Variants in RALYL observed in about 807,000 individuals in gnomAD.
The protein encoded by RALYL is RNA-binding Raly-like protein.
In RALYL, 29 loss-of-function variants were observed where a neutral mutation model predicts 35.1. That is an observed-to-expected ratio of 0.83 (90% CI 0.61 to 1.13). The LOEUF (loss-of-function observed/expected upper bound fraction) is 1.13, where lower values mean the gene tolerates loss of function less well. Ranked by LOEUF, RALYL falls within the 50% of genes most tolerant of loss-of-function variation. The probability of loss-of-function intolerance (pLI) is 0.00; values close to 1 mark genes in which losing one functional copy is unlikely to be tolerated. For missense variants in RALYL, 359 were observed against 360.4 expected (o/e 1.00, Z 0.03); for synonymous variants, 120 against 127.6 (o/e 0.94, Z 0.40).
At chr8:84,509,695 A>ATTTT (rs1160718300) in intron 1 of RALYL, among the ~76,000 whole-genome samples, 8 of 152,076 alleles carry the variant, frequency 5.3e-5, no homozygotes, top group African/African-American at 1.9e-4. Flanking sequence ...AATTTTTATA[A>ATTTT]AGGGTGTAAA....
chr8:84,276,580 G>T (rs1835425489), intron 1 of RALYL, among the ~76,000 whole-genome samples: 1 of 152,164 alleles, frequency 6.6e-6, no homozygotes, highest in African/African-American at 2.4e-5. Flanking sequence ...CTTCTGGAAA[G>T]TTTATTGAGA....
At chr8:84,821,272 G>C (rs2134236724) in intron 4 of RALYL, among the ~76,000 whole-genome samples, 1 of 152,208 alleles carries the variant, frequency 6.6e-6, no homozygotes, top group South Asian at 2.1e-4. Context: ...AGACAAAATA[G>C]ATATCATCAT....
At chr8:84,638,233 G>C (rs190121293) in intron 2 of RALYL, among the ~76,000 whole-genome samples, 13 of 152,036 alleles carry the variant, frequency 8.6e-5, no homozygotes, top group Non-Finnish European at 1.3e-4. Flanking sequence ...ATGAAATCTA[G>C]ATGGAAATTA....
intron 1 of RALYL, among the ~76,000 whole-genome samples, chr8:84,224,047 C>T (rs1823199005): frequency 6.6e-6 from 1 of 152,080 alleles, no homozygotes; most frequent in Non-Finnish European, 1.5e-5. Flanking sequence ...TTCTGATTCT[C>T]ATCTTTTCCA....
intron 4 of RALYL, among the ~76,000 whole-genome samples, chr8:84,819,456 A>G (rs773379040): frequency 1.3e-5 from 2 of 152,198 alleles, no homozygotes; most frequent in Non-Finnish European, 2.9e-5. Flanking sequence ...GGCATATACA[A>G]TATCACCAGT....
At chr8:84,545,529 G>A (rs186236084) in intron 2 of RALYL, among the ~76,000 whole-genome samples, 1 of 152,040 alleles carries the variant, frequency 6.6e-6, no homozygotes, top group Admixed American at 6.6e-5. Context: ...TGTGATATTG[G>A]AACTCTGCAA....
chr8:84,785,993 G>A (rs766978007), intron 3 of RALYL, among the ~76,000 whole-genome samples: 1 of 152,030 alleles, frequency 6.6e-6, no homozygotes, highest in Admixed American at 6.6e-5. Flanking sequence ...CCACCTCACC[G>A]CCCATAGGCC....
intron 2 of RALYL, among the ~76,000 whole-genome samples, chr8:84,732,133 T>C (rs1846291551): frequency 1.3e-5 from 2 of 152,170 alleles, no homozygotes; most frequent in African/African-American, 4.8e-5. Context: ...ATCCCTTTCA[T>C]ACATATATAT....
At chr8:84,221,295 G>A (rs1378190804) in intron 1 of RALYL, among the ~76,000 whole-genome samples, 1 of 152,016 alleles carries the variant, frequency 6.6e-6, no homozygotes, top group African/African-American at 2.4e-5. Flanking sequence ...GGGTGTGTGT[G>A]TGTGTGTGCA....
At chr8:84,366,386 A>G (rs1186668639) in intron 1 of RALYL, among the ~76,000 whole-genome samples, 1 of 152,242 alleles carries the variant, frequency 6.6e-6, no homozygotes, top group Non-Finnish European at 1.5e-5. Context: ...TTAGTTAGAA[A>G]GATAATATAA....
intron 1 of RALYL, among the ~76,000 whole-genome samples, chr8:84,273,330 G>A (rs1182507786): frequency 1.3e-5 from 2 of 152,316 alleles, no homozygotes; most frequent in East Asian, 3.9e-4. Context: ...TCTGGCTTTG[G>A]GCCAGGTACT....
chr8:84,425,093 T>C lies in RALYL; in HGVS notation c.-23-104206T>C, dbSNP rs951862921. On this transcript the variant is annotated intron_variant, in intron 1 of 8. Transcript: ENST00000521268. ...TGGGCTCCACCCAGTTCGAGCTTCC[T>C]AGCTGCTTTGTTTACCTAAGCAAGC... Among the ~76,000 whole-genome samples, 307 of 152,350 alleles carry C rather than the reference T, an allele frequency of 2.0e-3. 2 individuals are homozygous for C. The East Asian group carries it at 0.035, about 18-fold the overall frequency.
chr8:84,821,685 A>T (rs1039356036), intron 4 of RALYL, among the ~76,000 whole-genome samples: 3 of 152,148 alleles, frequency 2.0e-5, no homozygotes, highest in African/African-American at 7.2e-5. Flanking sequence ...ACATTTTCAA[A>T]GTACAGAAAT....
chr8:84,312,113 G>A (rs1020380307), intron 1 of RALYL, among the ~76,000 whole-genome samples: 6 of 152,292 alleles, frequency 3.9e-5, no homozygotes, highest in African/African-American at 9.6e-5. Flanking sequence ...TTCTTCATAA[G>A]GTGGCAGGAG....
chr8:84,435,152 A>G (rs1379066480), intron 1 of RALYL, among the ~76,000 whole-genome samples: 3 of 152,126 alleles, frequency 2.0e-5, no homozygotes, highest in Admixed American at 1.3e-4. Flanking sequence ...AAGCTTTTAT[A>G]TTCTTTGATG....
At chr8:84,770,750 T>C (rs1351107573) in intron 2 of RALYL, among the ~76,000 whole-genome samples, 1 of 152,176 alleles carries the variant, frequency 6.6e-6, no homozygotes, top group African/African-American at 2.4e-5. Context: ...CTCATGGGGG[T>C]AAGGTGGTAT....
intron 1 of RALYL, among the ~76,000 whole-genome samples, chr8:84,451,146 AG>A (rs1427180414): frequency 1.3e-5 from 2 of 152,018 alleles, no homozygotes; most frequent in African/African-American, 4.8e-5. Flanking sequence ...TATGGCTTAA[AG>A]TTTGGCCTTG....
chr8:84,530,536 G>A (rs185717205), intron 2 of RALYL, among the ~76,000 whole-genome samples: 9 of 150,552 alleles, frequency 6.0e-5, no homozygotes, highest in Non-Finnish European at 1.3e-4. Flanking sequence ...CATCAAGTTC[G>A]CTTGTCAATA....
chr8:84,199,146 C>T (rs911226675), intron 1 of RALYL, among the ~76,000 whole-genome samples: 4 of 152,086 alleles, frequency 2.6e-5, no homozygotes, highest in African/African-American at 4.8e-5. Flanking sequence ...TCCATATCCT[C>T]GCCAACATTT....
Sources: allele counts gnomAD v4.1 joint callset (sites outside exome capture counted in the v4.1 genomes callset), GRCh38; gene constraint gnomAD v4.1.1; transcripts MANE v1.5; gene names NCBI Gene and HGNC (gene_info 2026-07-23, HGNC 2026-07-21).